The following XXYLT1 variants were observed in gnomAD, a reference collection of about 807,000 sequenced individuals.
The protein encoded by XXYLT1 is UDP-xylose:alpha-xyloside alpha-1,3-xylosyltransferase.
XXYLT1 carries 20 observed loss-of-function variants against 28.9 expected under a neutral mutation model. That is an observed-to-expected ratio of 0.69 (90% CI 0.49 to 1.00). The LOEUF (loss-of-function observed/expected upper bound fraction) is 1.00. Ranked by LOEUF, XXYLT1 falls within the 50% of genes least tolerant of loss-of-function variation. The pLI, the probability that XXYLT1 is intolerant of heterozygous loss-of-function variation, is 0.00. For missense variants in XXYLT1, 542 were observed against 560.1 expected, an observed-to-expected ratio of 0.97 and a Z score of 0.33; for synonymous variants, 257 against 253.8, an observed-to-expected ratio of 1.01 and a Z score of -0.12.
intron 3 of XXYLT1, among the ~76,000 whole-genome samples, chr3:195,103,487 A>G (rs1031194998): frequency 6.6e-6 from 1 of 152,258 alleles, no homozygotes; most frequent in Non-Finnish European, 1.5e-5. Flanking sequence ...TAGAGGCTGC[A>G]TGGGCCTAAA....
intron 3 of XXYLT1, among the ~76,000 whole-genome samples, chr3:195,143,827 TATAGATATAGATATAG>T (rs1719648600): frequency 2.4e-5 from 2 of 82,418 alleles, no homozygotes; most frequent in East Asian, 8.7e-4. Flanking sequence ...TATAGATATA[TATAGATATAGATATAG>T]ATATATATAT....
chr3:195,174,024 A>G (rs563734200), intron 2 of XXYLT1, among the ~76,000 whole-genome samples: 3 of 152,304 alleles, frequency 2.0e-5, no homozygotes, highest in East Asian at 1.9e-4. Flanking sequence ...CTCAAGGCAG[A>G]AGGAGGACAC....
chr3:195,205,654 C>T (rs115292220), intron 2 of XXYLT1, among the ~76,000 whole-genome samples: 3,631 of 152,228 alleles, frequency 0.024, 128 homozygotes, highest in African/African-American at 0.083. Context: ...CCCAAGGTCA[C>T]GAGTTCAAAA....
At chr3:195,095,049 C>G in intron 3 of XXYLT1, among the ~76,000 whole-genome samples, 1 of 152,200 alleles carries the variant, frequency 6.6e-6, no homozygotes, top group Non-Finnish European at 1.5e-5. Context: ...CGCTGACAAG[C>G]CCCCAGGTGA....
intron 1 of XXYLT1, among the ~76,000 whole-genome samples, chr3:195,243,835 G>A (rs1337395356): frequency 6.6e-6 from 1 of 152,224 alleles, no homozygotes; most frequent in Non-Finnish European, 1.5e-5. Flanking sequence ...CTCATGTGAC[G>A]ATTATCGCTT....
chr3:195,154,299 C>T (rs1008842669), intron 3 of XXYLT1, among the ~76,000 whole-genome samples: 21 of 152,030 alleles, frequency 1.4e-4, no homozygotes, highest in African/African-American at 4.8e-4. Flanking sequence ...GAGTTGGGCA[C>T]GTGGGCTCAA....
rs1560121898 is a variant in XXYLT1 at position 195,150,857 on chromosome 3, CACACACACA to C, written c.785+5583_785+5591del. On this transcript the variant is annotated intron_variant, in intron 3 of 3. Coordinates refer to ENST00000310380, the MANE Select transcript of XXYLT1 (RefSeq NM_152531.5). The surrounding 1 kb of genome is among the most constrained non-coding windows in gnomAD (Gnocchi z 4.7). ...ACGCACACTCTCTCACACACTCTCA[CACACACACA>C]CACTCTCTCCCTCTCCCTCTCCCTC... 4.0e-5 allele frequency among the ~76,000 whole-genome samples: 6 copies of C among 150,190 alleles called. 1 individual carries two copies. Among genetic ancestry groups the C allele is most frequent in the African/African-American group, 1.5e-4 (6 of 40,590 alleles).
At position 195,115,863 on chromosome 3, in the gene XXYLT1, G is replaced by A. The variant is rs576346995; in HGVS notation, c.785+40586C>T. Among the ~76,000 whole-genome samples the A allele has an allele frequency of 8.9e-4, 136 of 152,304 alleles. No individual in the cohort carries two copies. The highest frequency in any genetic ancestry group is 1.8e-3 in the African/African-American group (75 of 41,560). ...GCAGCTCTGTATGAAAACTGGAGGCGCTGAGGCTGTCCTCAGGCTCAGGAG... is the reference window on the plus strand; with the variant it reads ...GCAGCTCTGTATGAAAACTGGAGGCACTGAGGCTGTCCTCAGGCTCAGGAG... On this transcript the variant is annotated intron_variant, in intron 3 of 3. Transcript: ENST00000310380. The surrounding 1 kb of genome is among the most constrained non-coding windows in gnomAD (Gnocchi z 4.2).
rs749974127 is a variant in XXYLT1 at position 195,156,568 on chromosome 3, G to C, written c.666C>G (p.Ile222Met). ...ACTTCAGGTCTAGGTCCAGCTGAATGATCTGCAGGATCTCTGCGGGAAAGA... is the reference window on the plus strand; with the variant it reads ...ACTTCAGGTCTAGGTCCAGCTGAATCATCTGCAGGATCTCTGCGGGAAAGA... ...HQIMPKEILQ[I>M]IQLDLDLKFK... is the part of the protein sequence containing the mutation. Residue 222 changes from isoleucine to methionine, a missense_variant, in exon 3 of 4, where the codon ATC (isoleucine) becomes ATG (methionine). Coordinates refer to ENST00000310380, the MANE Select transcript of XXYLT1 (RefSeq NM_152531.5). 4.3e-6 allele frequency: 7 copies of C among 1,614,226 alleles called. No homozygotes were observed. Among genetic ancestry groups the C allele is most frequent in the Middle Eastern group, 1.6e-4 (1 of 6,062 alleles).
At chr3:195,081,991 C>T (rs1419900514) in intron 3 of XXYLT1, among the ~76,000 whole-genome samples, 1 of 152,142 alleles carries the variant, frequency 6.6e-6, no homozygotes, top group East Asian at 1.9e-4. Context: ...TAGAAGCTTC[C>T]GGGGGGCGAT....
At chr3:195,243,478 A>G (rs1724871855) in intron 1 of XXYLT1, among the ~76,000 whole-genome samples, 1 of 151,870 alleles carries the variant, frequency 6.6e-6, no homozygotes, top group African/African-American at 2.4e-5. Flanking sequence ...TTACTACTTC[A>G]GAATAGCCAT....
chr3:195,077,575 TC>T lies in XXYLT1; in HGVS notation c.786-7465del, dbSNP rs1179299206. On this transcript the variant is annotated intron_variant, in intron 3 of 3. Coordinates refer to ENST00000310380, the MANE Select transcript of XXYLT1 (RefSeq NM_152531.5). The surrounding 1 kb of genome is among the most constrained non-coding windows in gnomAD (Gnocchi z 4.8). The stretch of plus-strand genomic sequence containing the variant: ...TGATAAAGGTGACCCATAGTGTCAG[TC>T]TCGTTCCCAAAGCTGTACCAGCTAT... 6.6e-6 allele frequency among the ~76,000 whole-genome samples: 1 copy of T among 152,126 alleles called. No homozygotes were observed. Among genetic ancestry groups the T allele is most frequent in the Non-Finnish European group, 1.5e-5 (1 of 67,998 alleles).
chr3:195,138,481 TG>T (rs2108642384), intron 3 of XXYLT1, among the ~76,000 whole-genome samples: 2 of 152,226 alleles, frequency 1.3e-5, no homozygotes, highest in East Asian at 3.9e-4. Context: ...GGGCCACAGC[TG>T]GGTGCAGGCG....
chr3:195,245,013 A>C (rs1411713145), intron 1 of XXYLT1, among the ~76,000 whole-genome samples: 1 of 150,424 alleles, frequency 6.6e-6, no homozygotes, highest in African/African-American at 2.4e-5. Context: ...CTAAAAATAC[A>C]AAATTAGCCG....
intron 1 of XXYLT1, among the ~76,000 whole-genome samples, chr3:195,232,123 T>C (rs1019954021): frequency 6.6e-6 from 1 of 152,150 alleles, no homozygotes; most frequent in African/African-American, 2.4e-5. Context: ...AGGTTGTATG[T>C]GTCTAGAAAC....
chr3:195,164,829 T>C (rs1335793508), intron 2 of XXYLT1, among the ~76,000 whole-genome samples: 2 of 152,190 alleles, frequency 1.3e-5, no homozygotes, highest in East Asian at 1.9e-4. Context: ...TTGACTACAA[T>C]GCCTAAGCAA....
rs1465640209 is a variant in XXYLT1, at chr3:195,240,595, C to G, written c.505-13739G>C. Among the ~76,000 whole-genome samples the G allele has an allele frequency of 6.6e-6, 1 of 152,274 alleles. No individual in the cohort carries two copies. Among genetic ancestry groups the G allele is most frequent in the Non-Finnish European group, 1.5e-5 (1 of 68,054 alleles). ...CCAGGTTTCCCGGAAATCCCAAGGC[C>G]TGTTTGAAGAACAGCCACTCCTCTG... On this transcript the variant is annotated intron_variant, in intron 1 of 3. Coordinates refer to ENST00000310380, the MANE Select transcript of XXYLT1 (RefSeq NM_152531.5). The surrounding 1 kb of genome is among the most constrained non-coding windows in gnomAD (Gnocchi z 4.7).
intron 1 of XXYLT1, among the ~76,000 whole-genome samples, chr3:195,243,578 T>C (rs1200228058): frequency 2.0e-5 from 3 of 152,214 alleles, no homozygotes; most frequent in East Asian, 1.9e-4. Flanking sequence ...AATTGAGTGA[T>C]AGACGGGTAG....
rs1395807077 is a variant in XXYLT1, at chr3:195,078,485, G to A, written c.786-8374C>T. On this transcript the variant is annotated intron_variant, in intron 3 of 3. Coordinates refer to ENST00000310380, the MANE Select transcript of XXYLT1 (RefSeq NM_152531.5). The surrounding 1 kb of genome is among the most constrained non-coding windows in gnomAD (Gnocchi z 5.0). ...GCCTCCTCCAGCCTCTCGTGCCCTG[G>A]CCCTCTGGGCACGAGATGTGTCCCA... is the stretch of plus-strand genomic sequence containing the variant. 6.6e-6 allele frequency among the ~76,000 whole-genome samples: 1 copy of A among 151,958 alleles called. No individual in the cohort carries two copies. The highest frequency in any genetic ancestry group is 2.4e-5 in the African/African-American group (1 of 41,364).
Sources: gnomAD v4.1 joint callset for allele counts (sites outside exome capture counted in the v4.1 genomes callset) on GRCh38, gnomAD v4.1.1 for gene constraint, Gnocchi (gnomAD v3.1) non-coding constraint, MANE v1.5 for transcripts, NCBI Gene and HGNC (gene_info 2026-07-23, HGNC 2026-07-21) for gene names.